The following GRIA1 variants were observed in gnomAD, a reference collection of about 807,000 sequenced individuals.
GRIA1 encodes the protein glutamate receptor 1.
Under a neutral mutation model 99.2 loss-of-function variants are expected in GRIA1, and 31 were observed. The ratio of observed to expected loss-of-function variants is 0.31; its 90% confidence interval spans 0.23 to 0.42. The LOEUF is 0.42. Ranked by LOEUF, GRIA1 falls within the 10% of genes least tolerant of loss-of-function variation. The pLI, the probability that GRIA1 is intolerant of heterozygous loss-of-function variation, is 1.00. For missense variants in GRIA1, 782 were observed against 1,157.5 expected (o/e 0.68, Z 4.71); for synonymous variants, 438 against 432.4 (o/e 1.01, Z -0.16).
chr5:153,510,826 G>T (rs1755997916), intron 2 of GRIA1, among the ~76,000 whole-genome samples: 1 of 152,120 alleles, frequency 6.6e-6, no homozygotes, highest in Non-Finnish European at 1.5e-5. Context: ...TCTACACAAT[G>T]AACTCTACAG....
Position 153,615,130 on chromosome 5 carries a change from A to G in GRIA1, c.221-31798A>G, listed in dbSNP as rs553959121. 2.0e-5 allele frequency among the ~76,000 whole-genome samples: 3 copies of G among 152,350 alleles called. No individual in the cohort carries two copies. In the South Asian group the frequency reaches 6.2e-4, roughly 32 times the overall value. On this transcript the variant is annotated intron_variant, in intron 2 of 15. Coordinates refer to ENST00000285900, the MANE Select transcript of GRIA1 (RefSeq NM_000827.4). ...GAGCCTTGTTCAGTTGTTCCATGGC[A>G]TGTGGAACAGTTCCTAGCACATATA...
At chr5:153,565,670 T>C (rs1761549756) in intron 2 of GRIA1, among the ~76,000 whole-genome samples, 1 of 152,184 alleles carries the variant, frequency 6.6e-6, no homozygotes, top group Non-Finnish European at 1.5e-5. Context: ...TTGCCTATTC[T>C]GACCATTTTC....
At chr5:153,656,980 C>T (rs1755007205) in intron 5 of GRIA1, among the ~76,000 whole-genome samples, 2 of 152,188 alleles carry the variant, frequency 1.3e-5, no homozygotes, top group Non-Finnish European at 2.9e-5. Context: ...TAATTGACTT[C>T]TTTCACTTAG....
chr5:153,651,648 A>G (rs188842703), intron 4 of GRIA1, among the ~76,000 whole-genome samples: 8 of 152,288 alleles, frequency 5.3e-5, no homozygotes, highest in African/African-American at 9.6e-5. Context: ...TAGGACAGCT[A>G]TTACTCAGAG....
At chr5:153,508,766 G>A (rs1055407712) in intron 2 of GRIA1, among the ~76,000 whole-genome samples, 2 of 152,130 alleles carry the variant, frequency 1.3e-5, no homozygotes, top group Non-Finnish European at 2.9e-5. Context: ...AAATCTCAGT[G>A]GTTTATAACA....
intron 13 of GRIA1, among the ~76,000 whole-genome samples, chr5:153,777,538 C>T (rs1322727164): frequency 6.6e-6 from 1 of 152,160 alleles, no homozygotes; most frequent in African/African-American, 2.4e-5. Context: ...GTGCCCATTA[C>T]AGAGGATACT....
intron 2 of GRIA1, among the ~76,000 whole-genome samples, chr5:153,592,993 C>T (rs1764104989): frequency 6.6e-6 from 1 of 152,190 alleles, no homozygotes; most frequent in Non-Finnish European, 1.5e-5. Context: ...CTGCCAGGCG[C>T]AGTGGCTCAC....
chr5:153,727,741 A>G (rs1004361918), intron 11 of GRIA1, among the ~76,000 whole-genome samples: 1 of 152,192 alleles, frequency 6.6e-6, no homozygotes, highest in Non-Finnish European at 1.5e-5. Context: ...AGAGGTTACA[A>G]AGAAATGGAA....
chr5:153,547,545 T>C (rs560751554), intron 2 of GRIA1, among the ~76,000 whole-genome samples: 10 of 152,330 alleles, frequency 6.6e-5, no homozygotes, highest in Non-Finnish European at 1.0e-4. Flanking sequence ...ATGTGGGAGT[T>C]GTAACTCAAC....
intron 2 of GRIA1, among the ~76,000 whole-genome samples, chr5:153,610,719 G>A (rs1765907049): frequency 6.6e-6 from 1 of 152,150 alleles, no homozygotes; most frequent in African/African-American, 2.4e-5. Context: ...TTTATAAAAT[G>A]GAAGTAAAAG....
At chr5:153,727,229 C>T (rs558133011) in intron 11 of GRIA1, among the ~76,000 whole-genome samples, 119 of 152,218 alleles carry the variant, frequency 7.8e-4, no homozygotes, top group South Asian at 2.5e-3. Context: ...ATTGATGGGA[C>T]GTATCTCAAA....
At chr5:153,530,924 G>GCAAGCTCTGCTCTTAAAATAAGCACA (rs1184726345) in intron 2 of GRIA1, among the ~76,000 whole-genome samples, 6 of 152,192 alleles carry the variant, frequency 3.9e-5, no homozygotes, top group Non-Finnish European at 7.3e-5. Flanking sequence ...TAAGATAGAC[G>GCAAGCTCTGCTCTTAAAATAAGCACA]CAAGCTCTGC....
intron 2 of GRIA1, among the ~76,000 whole-genome samples, chr5:153,642,010 G>A (rs1053831740): frequency 6.6e-6 from 1 of 152,210 alleles, no homozygotes; most frequent in Admixed American, 6.5e-5. Flanking sequence ...TGGATGGATA[G>A]ATGGACCAAA....
At chr5:153,734,105 C>T (rs1324667769) in intron 11 of GRIA1, among the ~76,000 whole-genome samples, 1 of 152,180 alleles carries the variant, frequency 6.6e-6, no homozygotes, top group Non-Finnish European at 1.5e-5. Context: ...GATGCCTATG[C>T]ATTTCCCTTC....
At chr5:153,668,603 T>C (rs4958673) in intron 5 of GRIA1, among the ~76,000 whole-genome samples, 152,272 of 152,302 alleles carry the variant, frequency 1, 76,121 homozygotes, top group Middle Eastern at 1. Flanking sequence ...TGACAAGAAC[T>C]ATATGGTTTG....
chr5:153,712,027 A>G (rs1581518357), intron 11 of GRIA1, among the ~76,000 whole-genome samples: 1 of 151,670 alleles, frequency 6.6e-6, no homozygotes, highest in Non-Finnish European at 1.5e-5. Flanking sequence ...TGATATCATA[A>G]CCTCCTCCCT....
chr5:153,510,452 G>A (rs1755955160), intron 2 of GRIA1, among the ~76,000 whole-genome samples: 1 of 152,166 alleles, frequency 6.6e-6, no homozygotes, highest in East Asian at 1.9e-4. Flanking sequence ...AAATCCAGCG[G>A]GCATTGTGAA....
chr5:153,567,602 A>C (rs891075952), intron 2 of GRIA1, among the ~76,000 whole-genome samples: 1 of 3,232 alleles, frequency 3.1e-4, no homozygotes, highest in Non-Finnish European at 3.7e-3. Flanking sequence ...GACACTGCCA[A>C]ATGTCAGAGA....
chr5:153,569,722 C>G (rs926157143), intron 2 of GRIA1, among the ~76,000 whole-genome samples: 4 of 152,258 alleles, frequency 2.6e-5, no homozygotes, highest in Admixed American at 2.6e-4. Flanking sequence ...TTTGGGTTTC[C>G]TATTCCTGGG....
Sources: gnomAD v4.1 joint callset for allele counts (sites outside exome capture counted in the v4.1 genomes callset) on GRCh38, gnomAD v4.1.1 for gene constraint, MANE v1.5 for transcripts, NCBI Gene and HGNC (gene_info 2026-07-23, HGNC 2026-07-21) for gene names.